SCFD2: variants seen among roughly 807,000 people sequenced by gnomAD.
The protein encoded by SCFD2 is sec1 family domain-containing protein 2.
Under a neutral mutation model 58.9 loss-of-function variants are expected in SCFD2, and 54 were observed. That is an observed-to-expected ratio of 0.92 (90% CI 0.74 to 1.15). The LOEUF is 1.15. Among genes scored for constraint, SCFD2 ranks in the 50% most tolerant of loss-of-function variants. SCFD2 has a pLI of 0.00. For synonymous variants in SCFD2, 321 were observed against 335.9 expected (o/e 0.96, Z 0.49); for missense variants, 805 against 836.6 (o/e 0.96, Z 0.47).
intron 7 of SCFD2, among the ~76,000 whole-genome samples, chr4:52,900,489 C>T (rs953226338): frequency 5.3e-5 from 8 of 152,162 alleles, no homozygotes; most frequent in African/African-American, 1.9e-4. Context: ...GCTGCCTGAT[C>T]GTTCCTCTGA....
chr4:53,011,392 C>CA (rs1475240077), intron 5 of SCFD2, among the ~76,000 whole-genome samples: 6 of 152,228 alleles, frequency 3.9e-5, no homozygotes, highest in Admixed American at 1.3e-4. Context: ...AAAACAGTGA[C>CA]AGAGTTGACA....
intron 4 of SCFD2, among the ~76,000 whole-genome samples, chr4:53,228,721 T>C (rs1729315160): frequency 6.6e-6 from 1 of 152,186 alleles, no homozygotes; most frequent in Non-Finnish European, 1.5e-5. Flanking sequence ...AAGACAGGGA[T>C]GCCCTCTCTC....
chr4:53,179,207 C>T (rs897694483), intron 4 of SCFD2, among the ~76,000 whole-genome samples: 1 of 152,068 alleles, frequency 6.6e-6, no homozygotes, highest in Non-Finnish European at 1.5e-5. Context: ...GTCAGATTCA[C>T]CAAAGTTGAA....
At chr4:53,244,602 A>C (rs1409305236) in intron 4 of SCFD2, among the ~76,000 whole-genome samples, 1 of 152,138 alleles carries the variant, frequency 6.6e-6, no homozygotes, top group Non-Finnish European at 1.5e-5. Context: ...CAGTGTTAAG[A>C]GGAAATGTAC....
intron 5 of SCFD2, among the ~76,000 whole-genome samples, chr4:53,098,599 G>A (rs1490396168): frequency 1.3e-5 from 2 of 152,094 alleles, no homozygotes; most frequent in South Asian, 4.2e-4. Context: ...ACTCACTGCT[G>A]CTTTAGAGAC....
intron 5 of SCFD2, chr4:52,957,137 G>A (rs1720730111): frequency 6.6e-6 from 1 of 152,162 alleles, no homozygotes; most frequent in African/African-American, 2.4e-5. Context: ...ACATGCAGAA[G>A]GAGTGGGGTT....
chr4:53,282,968 C>T (rs1331065987), intron 3 of SCFD2, among the ~76,000 whole-genome samples: 1 of 152,204 alleles, frequency 6.6e-6, no homozygotes, highest in Non-Finnish European at 1.5e-5. Flanking sequence ...ACAGAAGGAG[C>T]TACCTGCCCA....
chr4:53,001,642 G>A (rs1448383301), intron 5 of SCFD2, among the ~76,000 whole-genome samples: 1 of 152,166 alleles, frequency 6.6e-6, no homozygotes, highest in Non-Finnish European at 1.5e-5. Flanking sequence ...TAGGTGTATA[G>A]GACAATACAA....
intron 5 of SCFD2, among the ~76,000 whole-genome samples, chr4:53,038,787 C>G (rs1722826180): frequency 6.6e-6 from 1 of 151,694 alleles, no homozygotes; most frequent in Non-Finnish European, 1.5e-5. Context: ...CTCCTGGGCT[C>G]AAGCAATCCT....
At chr4:53,287,884 G>A (rs186657695) in intron 3 of SCFD2, among the ~76,000 whole-genome samples, 3 of 152,080 alleles carry the variant, frequency 2.0e-5, no homozygotes, top group East Asian at 3.9e-4. Context: ...TCAACAAAGA[G>A]ATAAAAATCA....
At chr4:53,053,632 G>T (rs1277600226) in intron 5 of SCFD2, among the ~76,000 whole-genome samples, 1 of 152,042 alleles carries the variant, frequency 6.6e-6, no homozygotes. Flanking sequence ...CTCTAGAAAT[G>T]CCATCCCATT....
chr4:52,937,876 G>A (rs1297097201), intron 5 of SCFD2, among the ~76,000 whole-genome samples: 1 of 152,158 alleles, frequency 6.6e-6, no homozygotes, highest in East Asian at 1.9e-4. Flanking sequence ...TTCAAGGTTG[G>A]TTAAGGTAGC....
chr4:53,261,252 TTA>T lies in SCFD2; in HGVS notation c.1311+12572_1311+12573del, dbSNP rs1371880067. On this transcript the variant is annotated intron_variant, in intron 4 of 8. Coordinates refer to ENST00000401642, the MANE Select transcript of SCFD2 (RefSeq NM_152540.4). Reference sequence around the variant, plus strand: ...TCATTTAGTTCTGCTCTGATCTTTGTTATGTCTTTTCTTCTGCTGGGTTTGGG... The same window carrying T: ...TCATTTAGTTCTGCTCTGATCTTTGTTGTCTTTTCTTCTGCTGGGTTTGGG... Among the ~76,000 whole-genome samples, 3 of 152,290 alleles carry T rather than the reference TTA, an allele frequency of 2.0e-5. No homozygotes were observed. The East Asian group carries it at 5.8e-4, about 29-fold the overall frequency.
At chr4:53,337,561 A>G (rs1251472897) in intron 2 of SCFD2, among the ~76,000 whole-genome samples, 1 of 152,230 alleles carries the variant, frequency 6.6e-6, no homozygotes, top group East Asian at 1.9e-4. Context: ...CTTAAATGAA[A>G]GAACAACCCA....
At chr4:52,977,776 A>T (rs896117406) in intron 5 of SCFD2, among the ~76,000 whole-genome samples, 10 of 152,198 alleles carry the variant, frequency 6.6e-5, no homozygotes, top group Non-Finnish European at 1.3e-4. Context: ...TTTTTCAGGT[A>T]TATGAGTAAG....
intron 4 of SCFD2, among the ~76,000 whole-genome samples, chr4:53,262,094 T>A (rs1044274884): frequency 6.6e-6 from 1 of 152,194 alleles, no homozygotes; most frequent in African/African-American, 2.4e-5. Flanking sequence ...TGGTGTCCAT[T>A]TGCATGGAAT....
At chr4:53,312,819 C>A (rs1046511210) in intron 3 of SCFD2, among the ~76,000 whole-genome samples, 1 of 151,894 alleles carries the variant, frequency 6.6e-6, no homozygotes, top group Non-Finnish European at 1.5e-5. Context: ...AAGAGAGAAA[C>A]CTTATTTTTA....
Position 53,053,007 on chromosome 4 carries a change from C to A in SCFD2, c.1561+92326G>T, listed in dbSNP as rs569083647. The stretch of plus-strand genomic sequence containing the variant: ...GAGGCCGAGGTGGGTGGATCACTTG[C>A]GGTCAGGAGTTCAAGACTAGCCTGT... On this transcript the variant is annotated intron_variant, in intron 5 of 8. Coordinates refer to ENST00000401642, the MANE Select transcript of SCFD2 (RefSeq NM_152540.4). Among the ~76,000 whole-genome samples the A allele has an allele frequency of 1.1e-4, 16 of 152,024 alleles. No homozygotes were observed. In the East Asian group the frequency reaches 3.1e-3, roughly 30 times the overall value.
rs184362710 is a variant in SCFD2 at position 52,935,923 on chromosome 4, C to T, written c.1562-15053G>A. ...CATGATCTCGGCTCACCACAACCTC[C>T]GCCTCCCGGGTTCAAGCAATTCTCC... On this transcript the variant is annotated intron_variant, in intron 5 of 8. Transcript: ENST00000401642. Among the ~76,000 whole-genome samples the T allele has an allele frequency of 1.6e-3, 245 of 152,216 alleles. 1 individual carries two copies. The highest frequency in any genetic ancestry group is 5.3e-3 in the African/African-American group (222 of 41,526).
Sources: gnomAD v4.1 joint callset for allele counts (sites outside exome capture counted in the v4.1 genomes callset) on GRCh38, gnomAD v4.1.1 for gene constraint, MANE v1.5 for transcripts, NCBI Gene and HGNC (gene_info 2026-07-23, HGNC 2026-07-21) for gene names.